The following FOXP1 variants were observed in gnomAD, a reference collection of about 807,000 sequenced individuals.
The protein encoded by FOXP1 is forkhead box P1.
In FOXP1, 15 loss-of-function variants were observed where a neutral mutation model predicts 98.2. The ratio of observed to expected loss-of-function variants is 0.15; its 90% confidence interval spans 0.10 to 0.24. The LOEUF is 0.24. Among genes scored for constraint, FOXP1 ranks in the 10% least tolerant of loss-of-function variants. The probability of loss-of-function intolerance (pLI) is 1.00; values close to 1 mark genes in which losing one functional copy is unlikely to be tolerated. For missense variants in FOXP1, 633 were observed against 848.5 expected (o/e 0.75, Z 3.15); for synonymous variants, 371 against 314.5 (o/e 1.18, Z -1.90).
At chr3:71,581,840 T>G in intron 1 of FOXP1, 143 bp from the exon 2 acceptor site, 1 of 985,284 alleles carries the variant, frequency 1.0e-6, no homozygotes, top group Non-Finnish European at 1.2e-6. Flanking sequence ...CGAGTGCGCG[T>G]GGAGGGAAGA....
chr3:71,124,182 A>G (rs2107843504), intron 6 of FOXP1, among the ~76,000 whole-genome samples: 1 of 151,988 alleles, frequency 6.6e-6, no homozygotes, highest in South Asian at 2.1e-4. Flanking sequence ...TATGTCTATT[A>G]TCTAGTTTTT....
chr3:71,426,912 T>C (rs1427019341), intron 3 of FOXP1, among the ~76,000 whole-genome samples: 1 of 151,862 alleles, frequency 6.6e-6, no homozygotes, highest in Admixed American at 6.6e-5. Context: ...AATACAAAAA[T>C]TAGCCGGGCA....
chr3:71,516,655 G>A (rs2042602894), intron 2 of FOXP1, among the ~76,000 whole-genome samples: 1 of 152,118 alleles, frequency 6.6e-6, no homozygotes, highest in African/African-American at 2.4e-5. Context: ...AGACCCACCT[G>A]GCCAACATGG....
At chr3:70,972,761 A>C in intron 17 of FOXP1, 85 bp from the exon 18 acceptor site, 1 of 1,401,598 alleles carries the variant, frequency 7.1e-7, no homozygotes, top group South Asian at 1.2e-5. Flanking sequence ...CTAACAGTCC[A>C]CATTTGTAAA....
intron 5 of FOXP1, among the ~76,000 whole-genome samples, chr3:71,254,710 T>G (rs1403633400): frequency 6.6e-6 from 1 of 152,178 alleles, no homozygotes; most frequent in Non-Finnish European, 1.5e-5. Flanking sequence ...ATTTCACTCT[T>G]TTCACATGTA....
intron 2 of FOXP1, among the ~76,000 whole-genome samples, chr3:71,534,348 C>T (rs761192216): frequency 4.6e-5 from 7 of 151,972 alleles, no homozygotes; most frequent in Non-Finnish European, 1.0e-4. Flanking sequence ...TAGGCAAAAA[C>T]TCTGTCAAAA....
chr3:71,273,884 T>C (rs988106064), intron 5 of FOXP1, among the ~76,000 whole-genome samples: 18 of 152,194 alleles, frequency 1.2e-4, no homozygotes, highest in Admixed American at 7.2e-4. Flanking sequence ...GCAAAGGCCA[T>C]TGTGAGGCTA....
intron 3 of FOXP1, among the ~76,000 whole-genome samples, chr3:71,420,222 A>G (rs954715015): frequency 4.6e-5 from 7 of 152,222 alleles, no homozygotes; most frequent in Admixed American, 1.3e-4. Flanking sequence ...AAAACTTAAA[A>G]AGCAATTTAC....
chr3:71,553,137 T>C (rs1206097524), intron 2 of FOXP1, among the ~76,000 whole-genome samples: 1 of 152,128 alleles, frequency 6.6e-6, no homozygotes, highest in African/African-American at 2.4e-5. Flanking sequence ...GTACTAGAGT[T>C]ACCTGTTAGC....
At position 70,970,778 on chromosome 3, in the gene FOXP1, C is replaced by T. The variant is rs762874944; in HGVS notation, c.1680G>A (p.Gln560=). The change falls in exon 19 of 21, where the codon CAG becomes CAA. Residue 560 remains glutamine (Q), a synonymous_variant. Transcript: ENST00000649528. ...GAGGTGTGCAGTAGGCGTGGCTGCT[C>T]TGCATGTTTTTAATAAGGGAAGGGT... The part of the protein sequence containing the change: ...SGNPSLIKNM[Q]SSHAYCTPLN... 1.2e-6 allele frequency: 2 copies of T among 1,613,994 alleles called. No individual in the cohort carries two copies. The highest frequency in any genetic ancestry group is 1.7e-6 in the Non-Finnish European group (2 of 1,179,886).
intron 5 of FOXP1, among the ~76,000 whole-genome samples, chr3:71,200,684 T>A (rs1226824338): frequency 1.3e-5 from 2 of 152,206 alleles, no homozygotes; most frequent in Non-Finnish European, 2.9e-5. Context: ...GGCAGAAAAT[T>A]TTTAGGCAAA....
At chr3:71,358,653 G>A (rs1318388184) in intron 4 of FOXP1, among the ~76,000 whole-genome samples, 4 of 152,142 alleles carry the variant, frequency 2.6e-5, no homozygotes, top group Non-Finnish European at 4.4e-5. Flanking sequence ...ACCCAGCGAG[G>A]TGTCAGGTTT....
chr3:71,522,566 C>T (rs905109921), intron 2 of FOXP1, among the ~76,000 whole-genome samples: 1 of 152,148 alleles, frequency 6.6e-6, no homozygotes, highest in Non-Finnish European at 1.5e-5. Context: ...CTGGCCACCT[C>T]CCAGGTTCAT....
Position 70,977,943 on chromosome 3 carries a change from G to A in FOXP1, c.1233C>T (p.Thr411=), listed in dbSNP as rs147995584. ...QSLPHTPTTP[T]APLTPVTQGP... Reference sequence around the variant, plus strand: ...CTTGGGTGACGGGAGTCAGGGGGGCGGTTGGGGTCGTTGGAGTATGAGGTA... The same window carrying A: ...CTTGGGTGACGGGAGTCAGGGGGGCAGTTGGGGTCGTTGGAGTATGAGGTA... Residue 411 remains threonine, a synonymous_variant, in exon 15 of 21, where the codon ACC becomes ACT. Coordinates refer to ENST00000649528, the MANE Select transcript of FOXP1 (RefSeq NM_001349338.3). 3.2e-4 allele frequency: 524 copies of A among 1,614,138 alleles called. 4 individuals are homozygous for A. The South Asian group carries it at 3.5e-3, about 11-fold the overall frequency.
chr3:70,954,917 G>A lies in FOXP1; in HGVS notation c.*4330C>T, dbSNP rs769785355. 5 of 232,788 alleles carry A rather than the reference G, an allele frequency of 2.1e-5. No homozygotes were observed. Among genetic ancestry groups the A allele is most frequent in the Admixed American group, 1.1e-4 (2 of 17,760 alleles). The allele number at this position is 232,788 out of a possible 1,614,324, so 14.4% of individuals were successfully genotyped here. A position where few individuals can be genotyped will look rare whatever the true frequency, so the allele number is the denominator to read the frequency against. The stretch of plus-strand genomic sequence containing the variant: ...AACAAAAAAATTCTTGTTACTGGCA[G>A]CACATATACATGAAGCACCATGCTC... On this transcript the variant is annotated 3_prime_UTR_variant, in exon 21 of 21. Transcript: ENST00000649528.
chr3:71,222,616 A>G (rs1455700690), intron 5 of FOXP1, among the ~76,000 whole-genome samples: 3 of 152,006 alleles, frequency 2.0e-5, no homozygotes, highest in African/African-American at 7.2e-5. Context: ...ATGGGGTTTC[A>G]CCATGTTGGC....
At chr3:70,985,717 G>C (rs539189861) in intron 14 of FOXP1, among the ~76,000 whole-genome samples, 1 of 151,680 alleles carries the variant, frequency 6.6e-6, no homozygotes, top group South Asian at 2.1e-4. Context: ...TAATACAACA[G>C]TACATTTACA....
intron 6 of FOXP1, among the ~76,000 whole-genome samples, chr3:71,174,314 T>C (rs552126683): frequency 9.2e-4 from 140 of 152,300 alleles, no homozygotes; most frequent in Non-Finnish European, 1.7e-3. Context: ...GGCATGCACC[T>C]GTAGTCCCAG....
intron 3 of FOXP1, among the ~76,000 whole-genome samples, chr3:71,416,007 A>G (rs1007329902): frequency 6.6e-6 from 1 of 152,214 alleles, no homozygotes; most frequent in Admixed American, 6.5e-5. Flanking sequence ...ACCAACTACT[A>G]TCAATCACCA....
Sources: allele counts gnomAD v4.1 joint callset (sites outside exome capture counted in the v4.1 genomes callset), GRCh38; gene constraint gnomAD v4.1.1; transcripts MANE v1.5; gene names NCBI Gene and HGNC (gene_info 2026-07-23, HGNC 2026-07-21).